The following C6 variants were observed in gnomAD, a reference collection of about 807,000 sequenced individuals.
C6 encodes the protein complement C6.
In C6, 101 loss-of-function variants were observed where a neutral mutation model predicts 112.9. The ratio of observed to expected loss-of-function variants is 0.89; its 90% CI spans 0.76 to 1.06. C6 has a LOEUF of 1.06. Among genes scored for constraint, C6 ranks in the 50% least tolerant of loss-of-function variants. The probability of loss-of-function intolerance (pLI) is 0.00; values close to 1 mark genes in which losing one functional copy is unlikely to be tolerated. For synonymous variants in C6, 431 were observed against 384.1 expected, an observed-to-expected ratio of 1.12 and a Z score of -1.43; for missense variants, 1,202 against 1,104.6, an observed-to-expected ratio of 1.09 and a Z score of -1.25.
intron 4 of C6, 108 bp from the exon 5 acceptor site, chr5:41,196,041 G>T: frequency 7.7e-7 from 1 of 1,293,276 alleles, no homozygotes; most frequent in Non-Finnish European, 1.1e-6. Context: ...TTGAAGGCAA[G>T]TCTTCACTGT....
At chr5:41,190,856 A>G (rs1291578352) in intron 5 of C6, among the ~76,000 whole-genome samples, 1 of 150,674 alleles carries the variant, frequency 6.6e-6, no homozygotes. Flanking sequence ...AATTAAAGAG[A>G]CTCTTGTTTC....
intron 15 of C6, among the ~76,000 whole-genome samples, chr5:41,151,950 C>A (rs1432090938): frequency 6.6e-6 from 1 of 151,010 alleles, no homozygotes; most frequent in African/African-American, 2.4e-5. Context: ...AGAAATGCAG[C>A]TCCTAAATGT....
At chr5:41,234,839 A>T (rs1740154370) in intron 1 of C6, among the ~76,000 whole-genome samples, 2 of 152,226 alleles carry the variant, frequency 1.3e-5, no homozygotes, top group South Asian at 4.2e-4. Context: ...GCACATTTGT[A>T]AATGTGAATT....
Position 41,223,314 on chromosome 5 carries a change from T to C in C6, c.-20-20064A>G, listed in dbSNP as rs552049356. Among the ~76,000 whole-genome samples, 11 of 152,294 alleles carry C rather than the reference T, an allele frequency of 7.2e-5. No homozygotes were observed. In the South Asian group the frequency reaches 1.5e-3, roughly 20 times the overall value. On this transcript the variant is annotated intron_variant, in intron 1 of 17. Coordinates refer to the C6 transcript ENST00000263413. ...TCCAAGGACTAGATGGTTGAATAAATCTGTACTTGAATAAAAATGCTTTTT... is the reference window on the plus strand; with the variant it reads ...TCCAAGGACTAGATGGTTGAATAAACCTGTACTTGAATAAAAATGCTTTTT...
intron 4 of C6, among the ~76,000 whole-genome samples, chr5:41,198,097 G>T (rs892754014): frequency 6.6e-6 from 1 of 152,082 alleles, no homozygotes; most frequent in African/African-American, 2.4e-5. Context: ...TTGGTATATT[G>T]CATGGGAATT....
intron 5 of C6, 128 bp downstream of exon 5, chr5:41,195,664 A>G: frequency 1.0e-6 from 1 of 980,594 alleles, no homozygotes; most frequent in East Asian, 2.4e-5. Flanking sequence ...GCTAAGTATC[A>G]GAGATAGGGC....
At chr5:41,145,386 G>A (rs536619431) in intron 17 of C6, among the ~76,000 whole-genome samples, 9 of 152,236 alleles carry the variant, frequency 5.9e-5, no homozygotes, top group Admixed American at 2.0e-4. Flanking sequence ...TTAACAAGGC[G>A]CTCAATTAAT....
intron 12 of C6, 111 bp from the exon 13 acceptor site, chr5:41,158,896 A>C: frequency 1.0e-6 from 1 of 985,644 alleles, no homozygotes; most frequent in Non-Finnish European, 1.6e-6. Flanking sequence ...ATATGTATTA[A>C]ATAGAAAACA....
chr5:41,152,449 A>C (rs776080818), intron 15 of C6, among the ~76,000 whole-genome samples: 4 of 152,184 alleles, frequency 2.6e-5, no homozygotes, highest in African/African-American at 9.7e-5. Context: ...AGGCATCCCA[A>C]GAACCAAAAT....
chr5:41,148,389 T>G (rs1001574013), intron 17 of C6, among the ~76,000 whole-genome samples: 1 of 152,208 alleles, frequency 6.6e-6, no homozygotes, highest in African/African-American at 2.4e-5. Context: ...TTTTAAAAAT[T>G]TGTAGTATAT....
intron 17 of C6, among the ~76,000 whole-genome samples, chr5:41,146,178 T>C (rs560132411): frequency 6.7e-4 from 102 of 152,298 alleles, no homozygotes; most frequent in African/African-American, 2.4e-3. Context: ...AATTTCCCGT[T>C]CCTGTCGGTT....
intron 1 of C6, among the ~76,000 whole-genome samples, chr5:41,251,125 A>G (rs1741332409): frequency 6.6e-6 from 1 of 152,318 alleles, no homozygotes; most frequent in African/African-American, 2.4e-5. Context: ...TTGAAACTCT[A>G]GGTCCATCTT....
At chr5:41,205,693 G>A (rs989805895) in intron 1 of C6, among the ~76,000 whole-genome samples, 9 of 152,224 alleles carry the variant, frequency 5.9e-5, no homozygotes, top group African/African-American at 2.2e-4. Flanking sequence ...CCTTTGCTGA[G>A]GCTTGAGTAG....
chr5:41,241,162 G>A (rs1740688721), intron 1 of C6, among the ~76,000 whole-genome samples: 1 of 152,144 alleles, frequency 6.6e-6, no homozygotes, highest in Non-Finnish European at 1.5e-5. Flanking sequence ...GCAGCAGCAG[G>A]CTATCCTCAG....
intron 17 of C6, among the ~76,000 whole-genome samples, chr5:41,146,816 G>T (rs750484046): frequency 1.3e-5 from 2 of 151,732 alleles, no homozygotes; most frequent in African/African-American, 4.8e-5. Context: ...CAGCAAAGCG[G>T]TAATAGTAAA....
intron 1 of C6, among the ~76,000 whole-genome samples, chr5:41,250,471 G>C (rs1215682232): frequency 1.3e-5 from 2 of 152,196 alleles, no homozygotes; most frequent in Non-Finnish European, 2.9e-5. Flanking sequence ...TGAAAAAAAT[G>C]AAAGTTATTG....
rs1296647941 is a variant in C6, at chr5:41,159,131, C to T, written c.1807G>A (p.Gly603Arg). 1.2e-6 allele frequency: 2 copies of T among 1,613,606 alleles called. No homozygotes were observed. The highest frequency in any genetic ancestry group is 1.6e-4 in the Middle Eastern group (1 of 6,080). ...CAGTCTTCCTCTTGTCGCTTCTCCC[C>T]CTCACAGCGTTTCCCTCCTCGTTGG... is the stretch of plus-strand genomic sequence containing the variant. ...APQRGGKRCE[G>R]EKRQEEDCTF... is the part of the protein sequence containing the mutation. Residue 603 changes from glycine to arginine, a missense_variant, in exon 12 of 18, where the codon GGG (glycine) becomes AGG (arginine). Coordinates refer to ENST00000337836, the MANE Select transcript of C6 (RefSeq NM_000065.5).
rs1751156211 is a variant in C6 at position 41,203,077 on chromosome 5, C to A, written c.143+11G>T. 1 of 1,613,732 alleles carries A rather than the reference C, an allele frequency of 6.2e-7. No homozygotes were observed. Among genetic ancestry groups the A allele is most frequent in the African/African-American group, 1.3e-5 (1 of 75,030 alleles). On this transcript the variant is annotated intron_variant, in intron 2 of 17. Coordinates refer to ENST00000337836, the MANE Select transcript of C6 (RefSeq NM_000065.5). Reference sequence around the variant, plus strand: ...CAGGACACAAAGAAAAGCCACAAAGCTCACACCCACCTGTGTCTGCTCTGG... The same window carrying A: ...CAGGACACAAAGAAAAGCCACAAAGATCACACCCACCTGTGTCTGCTCTGG...
chr5:41,143,256 A>G (rs1745515930), intron 17 of C6, among the ~76,000 whole-genome samples: 1 of 152,184 alleles, frequency 6.6e-6, no homozygotes, highest in Non-Finnish European at 1.5e-5. Flanking sequence ...TCTGTATATA[A>G]GAGACTAGAG....
Sources: gnomAD v4.1 joint callset for allele counts (sites outside exome capture counted in the v4.1 genomes callset) on GRCh38, gnomAD v4.1.1 for gene constraint, MANE v1.5 for transcripts, NCBI Gene and HGNC (gene_info 2026-07-23, HGNC 2026-07-21) for gene names.